TTLL5: variants seen among roughly 807,000 people sequenced by gnomAD.
TTLL5 encodes tubulin tyrosine ligase like 5.
Under a neutral mutation model 168.4 loss-of-function variants are expected in TTLL5, and 132 were observed. The ratio of observed to expected loss-of-function variants is 0.78; its 90% CI spans 0.68 to 0.91. The LOEUF is 0.91. Ranked by LOEUF, TTLL5 falls within the 40% of genes least tolerant of loss-of-function variation. The pLI is 0.00. For missense variants in TTLL5, 1,545 were observed against 1,581.5 expected, an observed-to-expected ratio of 0.98 and a Z score of 0.39; for synonymous variants, 546 against 558.6, an observed-to-expected ratio of 0.98 and a Z score of 0.32.
chr14:75,753,020 A>G, intron 18 of TTLL5, 65 bp downstream of exon 18: 2 of 1,459,636 alleles, frequency 1.4e-6, no homozygotes, highest in Non-Finnish European at 1.9e-6. Flanking sequence ...TACATGTCAA[A>G]GAAGGAAACA....
At chr14:75,840,244 A>G (rs952925435) in intron 28 of TTLL5, among the ~76,000 whole-genome samples, 5 of 152,132 alleles carry the variant, frequency 3.3e-5, no homozygotes, top group Non-Finnish European at 7.4e-5. Flanking sequence ...TTATATATGT[A>G]TACTTCAAGT....
At chr14:75,934,619 C>G (rs1403325100) in intron 31 of TTLL5, among the ~76,000 whole-genome samples, 1 of 151,630 alleles carries the variant, frequency 6.6e-6, no homozygotes, top group Non-Finnish European at 1.5e-5. Flanking sequence ...GGGCTGCATA[C>G]CAAGAGGAGG....
chr14:75,818,927 C>A (rs985174170), intron 27 of TTLL5, among the ~76,000 whole-genome samples: 4 of 152,158 alleles, frequency 2.6e-5, no homozygotes, highest in Admixed American at 2.0e-4. Flanking sequence ...TCAGTATTCA[C>A]AGTATAATGT....
At chr14:75,868,223 G>T (rs2030700834) in intron 29 of TTLL5, among the ~76,000 whole-genome samples, 2 of 152,084 alleles carry the variant, frequency 1.3e-5, no homozygotes, top group Middle Eastern at 3.2e-3. Flanking sequence ...CAGTGAAAAA[G>T]AGCCCCAAAA....
chr14:75,718,697 A>G lies in TTLL5; in HGVS notation c.842+735A>G, dbSNP rs575986739. ...GAAAAGGAAAAAATCAAAGAAAGAAAGAAATGAGGCCATCTCAGAAAAGGA... is the reference window on the plus strand; with the variant it reads ...GAAAAGGAAAAAATCAAAGAAAGAAGGAAATGAGGCCATCTCAGAAAAGGA... On this transcript the variant is annotated intron_variant, in intron 10 of 31. Transcript: ENST00000298832. Among the ~76,000 whole-genome samples the G allele has an allele frequency of 1.3e-4, 20 of 152,374 alleles. No individual in the cohort carries two copies. The East Asian group carries it at 1.7e-3, about 13-fold the overall frequency.
intron 9 of TTLL5, chr14:75,709,260 G>A: frequency 1.3e-6 from 1 of 753,708 alleles, no homozygotes; most frequent in Middle Eastern, 2.3e-4. Context: ...AGATATTATT[G>A]TACTCTGACA....
chr14:75,902,533 T>C (rs575454331), intron 31 of TTLL5: 1 of 535,338 alleles, frequency 1.9e-6, no homozygotes, highest in South Asian at 1.5e-5. Flanking sequence ...ATGTTGTATT[T>C]CCGCATGTTG....
At chr14:75,890,411 A>C (rs545643630) in intron 30 of TTLL5, among the ~76,000 whole-genome samples, 1 of 152,344 alleles carries the variant, frequency 6.6e-6, no homozygotes, top group African/African-American at 2.4e-5. Flanking sequence ...TACTTCTGCC[A>C]GAAGAATAAG....
chr14:75,730,402 G>A (rs530840556), intron 12 of TTLL5, among the ~76,000 whole-genome samples: 2 of 152,270 alleles, frequency 1.3e-5, no homozygotes, highest in South Asian at 4.1e-4. Context: ...ACGTTTTAAT[G>A]TATAGGCAAT....
At chr14:75,817,830 CTTTTTTTTT>C (rs1045988787) in intron 27 of TTLL5, among the ~76,000 whole-genome samples, 17 of 83,860 alleles carry the variant, frequency 2.0e-4, no homozygotes, top group African/African-American at 8.2e-4. Context: ...CTTTTCTTTT[CTTTTTTTTT>C]TTTTTTTTTT....
chr14:75,721,699 G>A (rs1887847363), intron 12 of TTLL5, among the ~76,000 whole-genome samples: 2 of 152,164 alleles, frequency 1.3e-5, no homozygotes, highest in Admixed American at 6.5e-5. Flanking sequence ...ATACCATGAA[G>A]ATCAAATGAG....
intron 30 of TTLL5, chr14:75,887,248 G>A: frequency 1.0e-6 from 1 of 986,788 alleles, no homozygotes; most frequent in Non-Finnish European, 1.2e-6. Context: ...TATGATGAAA[G>A]ATGTTTAAGA....
chr14:75,752,791 A>T (rs1382037265), intron 17 of TTLL5, 102 bp from the exon 18 acceptor site: 3 of 1,062,088 alleles, frequency 2.8e-6, no homozygotes. Context: ...AAAACAGTAT[A>T]TAAGTACCCC....
chr14:75,767,290 A>G (rs1282343777), intron 20 of TTLL5, among the ~76,000 whole-genome samples: 1 of 152,236 alleles, frequency 6.6e-6, no homozygotes, highest in African/African-American at 2.4e-5. Flanking sequence ...TGTGGGGACC[A>G]AGATAGGCCT....
At chr14:75,741,109 A>G (rs1405018579) in intron 15 of TTLL5, among the ~76,000 whole-genome samples, 6 of 152,226 alleles carry the variant, frequency 3.9e-5, no homozygotes, top group East Asian at 3.8e-4. Flanking sequence ...CCTTGTCTCA[A>G]TAATTTCACA....
chr14:75,859,916 T>A (rs1331421105), intron 28 of TTLL5, among the ~76,000 whole-genome samples: 1 of 152,198 alleles, frequency 6.6e-6, no homozygotes, highest in Admixed American at 6.6e-5. Context: ...TGACACCCAC[T>A]GTAACTCAAA....
At chr14:75,734,291 A>G (rs1888747596) in intron 14 of TTLL5, among the ~76,000 whole-genome samples, 1 of 152,236 alleles carries the variant, frequency 6.6e-6, no homozygotes, top group Admixed American at 6.5e-5. Flanking sequence ...GCTGAGGAAG[A>G]GAATTAGCAA....
At chr14:75,866,313 G>T (rs956778477) in intron 29 of TTLL5, among the ~76,000 whole-genome samples, 3 of 152,054 alleles carry the variant, frequency 2.0e-5, no homozygotes, top group African/African-American at 7.2e-5. Flanking sequence ...TTCTGTCCTG[G>T]GGTTACCCTT....
intron 31 of TTLL5, among the ~76,000 whole-genome samples, chr14:75,913,191 C>A (rs749946362): frequency 6.6e-6 from 1 of 152,274 alleles, no homozygotes; most frequent in East Asian, 1.9e-4. Flanking sequence ...GCAGTATTCT[C>A]GCTCTATCAT....
Sources: allele counts gnomAD v4.1 joint callset (sites outside exome capture counted in the v4.1 genomes callset), GRCh38; gene constraint gnomAD v4.1.1; transcripts MANE v1.5; gene names NCBI Gene and HGNC (gene_info 2026-07-23, HGNC 2026-07-21).